MAGED1: variants seen among roughly 807,000 people sequenced by gnomAD.
MAGED1 encodes the protein melanoma-associated antigen D1.
A neutral mutation model predicts 54.1 loss-of-function variants in MAGED1; 3 were observed. The observed-to-expected ratio is 0.06, with a 90% CI of 0.03 to 0.14. The LOEUF (loss-of-function observed/expected upper bound fraction) is 0.14, where lower values mean the gene tolerates loss of function less well. MAGED1 is among the 10% of genes least tolerant of loss of function. The pLI is 1.00. For missense variants in MAGED1, 485 were observed against 623.4 expected (o/e 0.78, Z 2.36); for synonymous variants, 217 against 227.3 (o/e 0.95, Z 0.41).
intron 1 of MAGED1, among the ~76,000 whole-genome samples, chrX:51,818,072 G>A (rs1169375966): frequency 1.8e-5 from 2 of 111,610 alleles, no homozygotes; most frequent in African/African-American, 6.5e-5. Flanking sequence ...CGACAATATC[G>A]TTAGTGACCC....
chrX:51,812,768 TG>T (rs1204705776), intron 1 of MAGED1, among the ~76,000 whole-genome samples: 13 of 110,979 alleles, frequency 1.2e-4, no homozygotes, highest in African/African-American at 4.3e-4. Context: ...CTCATTTCTC[TG>T]GGGTATATGC....
At chrX:51,835,572 C>T (rs1926215895) in intron 1 of MAGED1, among the ~76,000 whole-genome samples, 1 of 111,205 alleles carries the variant, frequency 9.0e-6, no homozygotes. Flanking sequence ...TGGATTGTTT[C>T]CAGAGTTTTT....
At chrX:51,812,333 T>C (rs1361198607) in intron 1 of MAGED1, among the ~76,000 whole-genome samples, 2 of 111,063 alleles carry the variant, frequency 1.8e-5, no homozygotes, top group African/African-American at 6.5e-5. Context: ...CCTAAAATAA[T>C]GGGCAATTTA....
intron 1 of MAGED1, among the ~76,000 whole-genome samples, chrX:51,864,084 C>G (rs1166608423): frequency 5.4e-5 from 6 of 110,298 alleles, no homozygotes; most frequent in Non-Finnish European, 9.5e-5. Context: ...TGTGAAGGAC[C>G]TTTTCCGATG....
chrX:51,837,486 C>T (rs1285053076), intron 1 of MAGED1, among the ~76,000 whole-genome samples: 1 of 111,923 alleles, frequency 8.9e-6, no homozygotes, highest in Non-Finnish European at 1.9e-5. Flanking sequence ...AGGGGGAACA[C>T]ATTTCTAATG....
rs782492841 is a variant in MAGED1 at position 51,869,244 on chromosome X, T to A, written c.-36-25025T>A. On this transcript the variant is annotated intron_variant, in intron 1 of 12. Coordinates refer to the MAGED1 transcript ENST00000375772. ...GGTGTGACTATATGAATGATGGGGATGGTGTGTATGATAATGGGGATTGAT... is the reference window on the plus strand; with the variant it reads ...GGTGTGACTATATGAATGATGGGGAAGGTGTGTATGATAATGGGGATTGAT... Among the ~76,000 whole-genome samples, 12 of 110,735 alleles carry A rather than the reference T, an allele frequency of 1.1e-4. No homozygotes were observed. The South Asian group carries it at 4.6e-3, about 43-fold the overall frequency.
intron 1 of MAGED1, among the ~76,000 whole-genome samples, chrX:51,887,495 AAATAG>A (rs1250224105): frequency 2.7e-5 from 3 of 112,003 alleles, no homozygotes; most frequent in Non-Finnish European, 3.8e-5. Context: ...CAGACACAGA[AAATAG>A]AATAGAACAG....
chrX:51,846,658 C>T (rs1278036010), intron 1 of MAGED1, among the ~76,000 whole-genome samples: 3 of 111,394 alleles, frequency 2.7e-5, no homozygotes, highest in African/African-American at 9.8e-5. Context: ...TCTGGGGAGG[C>T]CTCAGAAAAC....
chrX:51,896,235 G>A (rs1263850944), intron 3 of MAGED1, 174 bp from the exon 4 acceptor site: 9 of 457,777 alleles, frequency 2.0e-5, no homozygotes, highest in African/African-American at 4.9e-5. Flanking sequence ...GGCCTGGCTC[G>A]GAGATGAAAC....
At chrX:51,841,613 T>A (rs1331702897) in intron 1 of MAGED1, among the ~76,000 whole-genome samples, 9 of 111,987 alleles carry the variant, frequency 8.0e-5, no homozygotes, top group African/African-American at 2.9e-4. Flanking sequence ...AGTTTTTGTA[T>A]AAGGTGTAAG....
At chrX:51,850,312 A>G (rs782017005) in intron 1 of MAGED1, among the ~76,000 whole-genome samples, 1 of 112,194 alleles carries the variant, frequency 8.9e-6, no homozygotes, top group African/African-American at 3.2e-5. Context: ...AAAGAAAGGA[A>G]ATTACCAGTA....
chrX:51,809,884 A>G (rs1557355431), intron 1 of MAGED1, among the ~76,000 whole-genome samples: 2 of 111,849 alleles, frequency 1.8e-5, no homozygotes, highest in African/African-American at 6.5e-5. Context: ...GAATTACTTT[A>G]TAAAGAAGAC....
At chrX:51,807,108 T>C (rs1925062476) in intron 1 of MAGED1, among the ~76,000 whole-genome samples, 1 of 111,811 alleles carries the variant, frequency 8.9e-6, no homozygotes, top group African/African-American at 3.2e-5. Flanking sequence ...AGAGTGGAAG[T>C]TGCTCTAGAA....
upstream of MAGED1, among the ~76,000 whole-genome samples, chrX:51,890,867 T>C (rs11796891): frequency 0.12 from 12,702 of 102,511 alleles, 792 homozygotes; most frequent in Non-Finnish European, 0.18. Flanking sequence ...TCTTGTAGAG[T>C]ATGTCAGTCT....
chrX:51,860,227 T>C (rs1927230763), intron 1 of MAGED1, among the ~76,000 whole-genome samples: 1 of 111,021 alleles, frequency 9.0e-6, no homozygotes, highest in African/African-American at 3.3e-5. Context: ...ATCACGCCAC[T>C]GCACTCCAGC....
upstream of MAGED1, among the ~76,000 whole-genome samples, chrX:51,889,210 T>C (rs1305160879): frequency 8.9e-6 from 1 of 112,056 alleles, no homozygotes; most frequent in African/African-American, 3.2e-5. Flanking sequence ...AACCTCACTG[T>C]ACTATCCTCG....
chrX:51,900,303 G>A lies in MAGED1; in HGVS notation c.1959+7G>A, dbSNP rs1928957226. 1 of 1,173,437 alleles carries A rather than the reference G, an allele frequency of 8.5e-7. No homozygotes were observed. The highest frequency in any genetic ancestry group is 1.8e-5 in the African/African-American group (1 of 56,922). On this transcript the variant is annotated splice_region_variant and intron_variant, in intron 11 of 12. Coordinates refer to ENST00000326587, the MANE Select transcript of MAGED1 (RefSeq NM_006986.4). ...GCTGAGATTCATTGCAGAGGTAATG[G>A]AGGAACTGTTCCAGCATTGATAGGT...
chrX:51,898,511 C>T (rs35559927), intron 9 of MAGED1, 70 bp from the exon 10 acceptor site: 141,689 of 1,039,584 alleles, frequency 0.14, 7,100 homozygotes, highest in Middle Eastern at 0.16. Flanking sequence ...TCATCTCTGA[C>T]CTCTGTTCTG....
chrX:51,855,440 A>G (rs1406634102), intron 1 of MAGED1, among the ~76,000 whole-genome samples: 3 of 110,982 alleles, frequency 2.7e-5, no homozygotes, highest in African/African-American at 6.6e-5. Context: ...GGCTTAAACA[A>G]TAGAAATTTA....
Sources: gnomAD v4.1 joint callset for allele counts (sites outside exome capture counted in the v4.1 genomes callset) on GRCh38, gnomAD v4.1.1 for gene constraint, MANE v1.5 for transcripts, NCBI Gene and HGNC (gene_info 2026-07-23, HGNC 2026-07-21) for gene names.